BRINP3: variants seen among roughly 807,000 people sequenced by gnomAD.
BRINP3 encodes BMP/retinoic acid inducible neural specific 3.
Under a neutral mutation model 71.0 loss-of-function variants are expected in BRINP3, and 19 were observed. The ratio of observed to expected loss-of-function variants is 0.27; its 90% CI spans 0.19 to 0.39. BRINP3 has a LOEUF of 0.39. BRINP3 is among the 10% of genes least tolerant of loss of function. The pLI is 1.00. For missense variants in BRINP3, 959 were observed against 940.8 expected (o/e 1.02, Z -0.25); for synonymous variants, 380 against 337.7 (o/e 1.13, Z -1.37).
intron 4 of BRINP3, among the ~76,000 whole-genome samples, chr1:190,260,410 A>G (rs1661080916): frequency 6.6e-6 from 1 of 152,168 alleles, no homozygotes; most frequent in South Asian, 2.1e-4. Flanking sequence ...ACTATGTTGT[A>G]CACCCTAAAT....
chr1:190,286,373 G>A (rs558950345), intron 2 of BRINP3, among the ~76,000 whole-genome samples: 42 of 152,102 alleles, frequency 2.8e-4, no homozygotes, highest in African/African-American at 9.4e-4. Flanking sequence ...TTTCTTATTA[G>A]CATTTAAATA....
At chr1:190,354,441 G>A (rs1313809403) in intron 2 of BRINP3, among the ~76,000 whole-genome samples, 2 of 151,840 alleles carry the variant, frequency 1.3e-5, no homozygotes, top group African/African-American at 4.8e-5. Flanking sequence ...ATCTATGCTG[G>A]AATTTTTAGC....
intron 2 of BRINP3, among the ~76,000 whole-genome samples, chr1:190,314,837 T>G (rs1335476374): frequency 6.6e-6 from 1 of 152,108 alleles, no homozygotes; most frequent in African/African-American, 2.4e-5. Context: ...ATATGGAGAC[T>G]CTTGTCACCA....
At chr1:190,233,061 C>G (rs1218069392) in intron 5 of BRINP3, among the ~76,000 whole-genome samples, 1 of 152,030 alleles carries the variant, frequency 6.6e-6, no homozygotes, top group Non-Finnish European at 1.5e-5. Context: ...CATTCATTCA[C>G]TATTTAGGAT....
At chr1:190,360,817 T>C (rs1013685938) in intron 2 of BRINP3, among the ~76,000 whole-genome samples, 1 of 152,086 alleles carries the variant, frequency 6.6e-6, no homozygotes, top group Non-Finnish European at 1.5e-5. Context: ...TCTGCAGTTT[T>C]CTCAGGGAAC....
chr1:190,454,620 G>GAT, intron 2 of BRINP3, 35 bp downstream of exon 2: 2 of 1,557,714 alleles, frequency 1.3e-6, no homozygotes, highest in South Asian at 1.1e-5. Context: ...CTTCAAGGAT[G>GAT]ATATTTCTGT....
At chr1:190,190,866 T>C (rs1653974996) in intron 6 of BRINP3, among the ~76,000 whole-genome samples, 1 of 152,150 alleles carries the variant, frequency 6.6e-6, no homozygotes, top group Non-Finnish European at 1.5e-5. Flanking sequence ...TCCACAAATT[T>C]ATTCACTTCA....
At chr1:190,141,795 T>C (rs945799549) in intron 7 of BRINP3, among the ~76,000 whole-genome samples, 8 of 151,826 alleles carry the variant, frequency 5.3e-5, no homozygotes, top group Non-Finnish European at 7.4e-5. Context: ...CCTGACCTTG[T>C]GATCAGCCTG....
Position 190,405,488 on chromosome 1 carries a change from AAAAAC to A in BRINP3, c.236+49162_236+49166del, listed in dbSNP as rs1262393338. Among the ~76,000 whole-genome samples, 32 of 56,288 alleles carry A rather than the reference AAAAAC, an allele frequency of 5.7e-4. 5 individuals are homozygous for A. Among genetic ancestry groups the A allele is most frequent in the Non-Finnish European group, 6.0e-4 (16 of 26,862 alleles). 36.9% of individuals were successfully genotyped at this position (56,288 alleles called of 152,430 possible). ...AAAAAAAAAAAAAAAAAAAAAAAAA[AAAAAC>A]CAGAATCAGAAGCGTGACATATCAT... On this transcript the variant is annotated intron_variant, in intron 2 of 7. Transcript: ENST00000367462.
At chr1:190,121,520 C>A (rs1330026293) in intron 7 of BRINP3, among the ~76,000 whole-genome samples, 2 of 152,070 alleles carry the variant, frequency 1.3e-5, no homozygotes, top group African/African-American at 4.8e-5. Context: ...GTATTTACTG[C>A]AGAAGTAAAT....
intron 2 of BRINP3, among the ~76,000 whole-genome samples, chr1:190,408,019 CTTTTTTTT>C (rs34343187): frequency 2.0e-5 from 2 of 99,782 alleles, no homozygotes; most frequent in Non-Finnish European, 1.8e-5. Context: ...CTACATTTGT[CTTTTTTTT>C]TTTTTTTTTT....
intron 2 of BRINP3, among the ~76,000 whole-genome samples, chr1:190,366,624 A>C (rs1000527194): frequency 1.8e-4 from 28 of 152,148 alleles, no homozygotes; most frequent in African/African-American, 6.8e-4. Context: ...CCAAAGTCTC[A>C]TCTGAGACAA....
intron 6 of BRINP3, among the ~76,000 whole-genome samples, chr1:190,224,437 G>GA (rs1296695100): frequency 5.3e-5 from 8 of 151,456 alleles, no homozygotes; most frequent in Admixed American, 5.3e-4. Flanking sequence ...ATTTTATGCA[G>GA]AAAAAATCTA....
intron 4 of BRINP3, among the ~76,000 whole-genome samples, chr1:190,248,481 T>C (rs1659820924): frequency 6.6e-6 from 1 of 151,760 alleles, no homozygotes; most frequent in South Asian, 2.1e-4. Flanking sequence ...CGTCTTAATT[T>C]TTCATTCTTT....
intron 2 of BRINP3, among the ~76,000 whole-genome samples, chr1:190,324,950 T>C (rs1316631586): frequency 6.6e-6 from 1 of 151,808 alleles, no homozygotes; most frequent in African/African-American, 2.4e-5. Context: ...TAAACAAAAA[T>C]CTAATAAAAA....
At chr1:190,225,540 A>C in intron 6 of BRINP3, among the ~76,000 whole-genome samples, 1 of 152,162 alleles carries the variant, frequency 6.6e-6, no homozygotes, top group East Asian at 1.9e-4. Flanking sequence ...GTATTTATTA[A>C]GTGTGCTTAA....
chr1:190,441,007 T>C (rs1674779708), intron 2 of BRINP3, among the ~76,000 whole-genome samples: 1 of 151,878 alleles, frequency 6.6e-6, no homozygotes, highest in African/African-American at 2.4e-5. Context: ...AAACAAATAG[T>C]GAAATTCACT....
chr1:190,357,782 T>C (rs952231193), intron 2 of BRINP3, among the ~76,000 whole-genome samples: 4 of 151,830 alleles, frequency 2.6e-5, no homozygotes, highest in Non-Finnish European at 5.9e-5. Context: ...TTCACGATAT[T>C]GATTCTTCCT....
At chr1:190,312,073 A>ATATATATATATATATATG (rs1215673029) in intron 2 of BRINP3, among the ~76,000 whole-genome samples, 2 of 139,644 alleles carry the variant, frequency 1.4e-5, no homozygotes, top group African/African-American at 5.3e-5. Context: ...ATATATATAT[A>ATATATATATATATATATG]TATGTATTTC....
Sources: gnomAD v4.1 joint callset for allele counts (sites outside exome capture counted in the v4.1 genomes callset) on GRCh38, gnomAD v4.1.1 for gene constraint, MANE v1.5 for transcripts, NCBI Gene and HGNC (gene_info 2026-07-23, HGNC 2026-07-21) for gene names.